The following PLXDC1 variants were observed in gnomAD, a reference collection of about 807,000 sequenced individuals.
PLXDC1 encodes plexin domain-containing protein 1.
PLXDC1 carries 39 observed loss-of-function variants against 61.3 expected under a neutral mutation model. The observed-to-expected ratio is 0.64, with a 90% confidence interval of 0.49 to 0.83. The LOEUF (loss-of-function observed/expected upper bound fraction) is 0.83. Among genes scored for constraint, PLXDC1 ranks in the 40% least tolerant of loss-of-function variants. PLXDC1 has a pLI of 0.00. For missense variants in PLXDC1, 596 were observed against 666.5 expected, an observed-to-expected ratio of 0.89 and a Z score of 1.17; for synonymous variants, 212 against 254.5, an observed-to-expected ratio of 0.83 and a Z score of 1.59.
intron 1 of PLXDC1, among the ~76,000 whole-genome samples, chr17:39,140,282 G>T (rs1181320028): frequency 6.6e-6 from 1 of 152,084 alleles, no homozygotes; most frequent in Admixed American, 6.5e-5. Flanking sequence ...CTGGTCTATG[G>T]TGTAGCCTGG....
intron 2 of PLXDC1, among the ~76,000 whole-genome samples, chr17:39,133,107 G>C (rs1435536315): frequency 1.3e-5 from 2 of 152,156 alleles, no homozygotes; most frequent in Non-Finnish European, 2.9e-5. Flanking sequence ...TGAGCTGTCA[G>C]AGGCATGGGA....
intron 8 of PLXDC1, among the ~76,000 whole-genome samples, chr17:39,086,674 C>T (rs960765349): frequency 1.3e-5 from 2 of 151,172 alleles, no homozygotes; most frequent in Admixed American, 6.6e-5. Context: ...CCAGCCTGGC[C>T]GACAGAGTGA....
chr17:39,104,208 A>T (rs1910519900), intron 7 of PLXDC1, among the ~76,000 whole-genome samples: 2 of 152,206 alleles, frequency 1.3e-5, no homozygotes, highest in South Asian at 4.1e-4. Flanking sequence ...GCGTGTTTGC[A>T]GCAGCTGTAG....
intron 10 of PLXDC1, 120 bp from the exon 11 acceptor site, chr17:39,078,168 GGGGCTGA>G: frequency 3.0e-6 from 3 of 998,346 alleles, no homozygotes; most frequent in Non-Finnish European, 4.4e-6. Flanking sequence ...CCTCAAGGAA[GGGGCTGA>G]GATGCCAATC....
At chr17:39,147,173 G>A (rs1033877509) in intron 1 of PLXDC1, among the ~76,000 whole-genome samples, 1 of 152,046 alleles carries the variant, frequency 6.6e-6, no homozygotes, top group Non-Finnish European at 1.5e-5. Flanking sequence ...GGGCAGGCTG[G>A]TCTCGAACTC....
intron 2 of PLXDC1, among the ~76,000 whole-genome samples, chr17:39,116,029 C>T (rs1358230728): frequency 6.6e-6 from 1 of 152,134 alleles, no homozygotes; most frequent in East Asian, 1.9e-4. Context: ...GCAGTATATT[C>T]AATTGCTTGA....
upstream of PLXDC1, chr17:39,152,735 T>A: frequency 8.4e-7 from 1 of 1,192,938 alleles, no homozygotes; most frequent in East Asian, 3.2e-5. Context: ...AGGTACACTG[T>A]GGGCTGGAAG....
intron 8 of PLXDC1, among the ~76,000 whole-genome samples, chr17:39,084,904 G>A (rs2143429657): frequency 6.6e-6 from 1 of 152,314 alleles, no homozygotes; most frequent in East Asian, 1.9e-4. Flanking sequence ...TGAACCAGAT[G>A]ACCTCTGAGC....
chr17:39,139,711 G>T lies in PLXDC1; in HGVS notation c.198C>A (p.Asp66Glu). The T allele has an allele frequency of 6.2e-7, 1 of 1,613,904 alleles. No individual in the cohort carries two copies. Among genetic ancestry groups the T allele is most frequent in the Non-Finnish European group, 8.5e-7 (1 of 1,179,978 alleles). ...SEPDRTQLSQDLGGGTLAMDT... is the reference protein window; with the variant it reads ...SEPDRTQLSQELGGGTLAMDT... ...CCATGGCCAGGGTGCCCCCACCCAG[G>T]TCCTGGCTCAGCTGGGTCCTGTCCG... is the stretch of plus-strand genomic sequence containing the variant. The change falls in exon 2 of 14, where the codon GAC becomes GAA. Residue 66 changes from aspartate to glutamate, a missense_variant. Asp to Glu is a conservative substitution (Grantham distance 45, BLOSUM62 2). Transcript: ENST00000315392.
In PLXDC1 at chr17:39,138,425, T is replaced by A. The variant is rs575056963; in HGVS notation, c.255+1229A>T. Among the ~76,000 whole-genome samples the A allele has an allele frequency of 9.9e-5, 15 of 152,252 alleles. No homozygotes were observed. In the East Asian group the frequency reaches 2.7e-3, roughly 27 times the overall value. On this transcript the variant is annotated intron_variant, in intron 2 of 13. Transcript: ENST00000315392. ...AACACTATGTACATGATCGTCACAA[T>A]CCACAACCGAGCACACGGATTGAAC...
chr17:39,152,264 C>T (rs1008722241), upstream of PLXDC1, among the ~76,000 whole-genome samples: 12 of 151,864 alleles, frequency 7.9e-5, no homozygotes, highest in African/African-American at 2.7e-4. Flanking sequence ...CCTTACTCTG[C>T]AACAGTCTGG....
At chr17:39,152,792 A>C, upstream of PLXDC1, 1 of 804,406 alleles carries the variant, frequency 1.2e-6, no homozygotes, top group Non-Finnish European at 1.7e-6. Flanking sequence ...AAAGAAAAGA[A>C]AAGAAAAAAA....
chr17:39,113,517 C>T (rs11871779), intron 2 of PLXDC1, among the ~76,000 whole-genome samples: 6,253 of 152,188 alleles, frequency 0.041, 216 homozygotes, highest in African/African-American at 0.094. Context: ...ACGCCCCTTC[C>T]GCCATTCCCT....
chr17:39,126,851 C>T (rs1044208577), intron 2 of PLXDC1: 3 of 152,142 alleles, frequency 2.0e-5, no homozygotes, highest in African/African-American at 7.2e-5. Context: ...TTCTCATCAA[C>T]ACTACAACAA....
intron 2 of PLXDC1, among the ~76,000 whole-genome samples, chr17:39,129,607 ACT>A (rs1232377735): frequency 6.6e-6 from 1 of 150,984 alleles, no homozygotes; most frequent in Non-Finnish European, 1.5e-5. Context: ...ACAGAGCAAG[ACT>A]CTGTCAGAAA....
At position 39,079,248 on chromosome 17, in the gene PLXDC1, T is replaced by C. The variant is rs1429080212; in HGVS notation, c.990-84A>G. 9.0e-6 allele frequency: 11 copies of C among 1,218,248 alleles called. No individual in the cohort carries two copies. In the Admixed American group the frequency reaches 1.0e-4, roughly 11 times the overall value. The allele number at this position is 1,218,248 out of a possible 1,614,324, so 75.5% of individuals were successfully genotyped here. ...TCACTGTTCAGTAACAGCTCTCTGC[T>C]GATAGTGAGAAGAGGAGCCAAGGTC... On this transcript the variant is annotated intron_variant, in intron 9 of 13. Transcript: ENST00000315392.
intron 2 of PLXDC1, among the ~76,000 whole-genome samples, chr17:39,137,750 AG>A (rs960207830): frequency 1.3e-5 from 2 of 152,096 alleles, no homozygotes; most frequent in African/African-American, 4.8e-5. Flanking sequence ...CACAGGGTCA[AG>A]GGAACAGGGG....
intron 8 of PLXDC1, among the ~76,000 whole-genome samples, chr17:39,085,134 G>A (rs924858895): frequency 6.6e-6 from 1 of 152,204 alleles, no homozygotes; most frequent in Non-Finnish European, 1.5e-5. Flanking sequence ...ATTAACTCAG[G>A]AGCCAATGTG....
chr17:39,110,842 T>G (rs980138253), intron 2 of PLXDC1, among the ~76,000 whole-genome samples: 17 of 152,152 alleles, frequency 1.1e-4, no homozygotes, highest in African/African-American at 3.9e-4. Flanking sequence ...TGGGGCAGGC[T>G]GGGGGACGAT....
Sources: gnomAD v4.1 joint callset for allele counts (sites outside exome capture counted in the v4.1 genomes callset) on GRCh38, gnomAD v4.1.1 for gene constraint, MANE v1.5 for transcripts, NCBI Gene and HGNC (gene_info 2026-07-23, HGNC 2026-07-21) for gene names.